Variants in GAS2L3 observed in about 807,000 individuals in gnomAD.
GAS2L3 encodes GAS2-like protein 3.
GAS2L3 carries 28 observed loss-of-function variants against 37.0 expected under a neutral mutation model. The ratio of observed to expected loss-of-function variants is 0.76; its 90% CI spans 0.56 to 1.04. The LOEUF (loss-of-function observed/expected upper bound fraction) is 1.04, where lower values mean the gene tolerates loss of function less well. Ranked by LOEUF, GAS2L3 falls within the 50% of genes least tolerant of loss-of-function variation. The pLI, the probability that GAS2L3 is intolerant of heterozygous loss-of-function variation, is 0.00. For synonymous variants in GAS2L3, 290 were observed against 296.6 expected (o/e 0.98, Z 0.23); for missense variants, 793 against 817.6 (o/e 0.97, Z 0.37).
chr12:100,599,115 C>T (rs1317249779), intron 3 of GAS2L3, among the ~76,000 whole-genome samples: 1 of 152,156 alleles, frequency 6.6e-6, no homozygotes, highest in Non-Finnish European at 1.5e-5. Context: ...CTCTCCATTC[C>T]AAGCCACCCC....
intron 3 of GAS2L3, among the ~76,000 whole-genome samples, chr12:100,597,846 A>G (rs951454059): frequency 6.6e-6 from 1 of 152,130 alleles, no homozygotes; most frequent in Non-Finnish European, 1.5e-5. Flanking sequence ...CTTGCCTCAA[A>G]TTAACCTCAA....
In GAS2L3 at chr12:100,624,800, A is replaced by G. The variant is rs113039944; in HGVS notation, c.1995A>G (p.Ala665=). Residue 665 remains alanine (A), a synonymous_variant, in exon 10 of 10, where the codon GCA becomes GCG. Transcript: ENST00000547754. ...IRKPPSSVKD[A]DSGDKKPTAK... The stretch of plus-strand genomic sequence containing the variant: ...AACCACCCTCATCTGTTAAGGATGC[A>G]GATAGTGGAGATAAAAAACCTACTG... 1.4e-4 allele frequency: 221 copies of G among 1,613,852 alleles called. No individual in the cohort carries two copies. In the African/African-American group the frequency reaches 2.7e-3, roughly 19 times the overall value.
chr12:100,595,830 A>G (rs1955905235), intron 3 of GAS2L3, among the ~76,000 whole-genome samples: 1 of 152,028 alleles, frequency 6.6e-6, no homozygotes, highest in Non-Finnish European at 1.5e-5. Context: ...TAGAATATAT[A>G]TTGCCTGTAA....
chr12:100,612,944 G>C (rs1406136641), intron 6 of GAS2L3, among the ~76,000 whole-genome samples: 1 of 152,190 alleles, frequency 6.6e-6, no homozygotes, highest in Non-Finnish European at 1.5e-5. Context: ...TCTACTGACA[G>C]TACACACCCT....
Position 100,622,399 on chromosome 12 carries a change from C to T in GAS2L3, c.756+17C>T, listed in dbSNP as rs371836898. 15 of 1,212,916 alleles carry T rather than the reference C, an allele frequency of 1.2e-5. No homozygotes were observed. The highest frequency in any genetic ancestry group is 1.7e-5 in the Non-Finnish European group (14 of 826,372). The allele number at this position is 1,212,916 out of a possible 1,614,324, so 75.1% of individuals were successfully genotyped here. ...TTTATAAGAGTAAGTCCATTATTTA[C>T]ACTTTATTTACACATAAATACTGTT... On this transcript the variant is annotated intron_variant, in intron 9 of 9. Transcript: ENST00000547754.
chr12:100,601,568 T>C (rs1371066412), intron 4 of GAS2L3, 70 bp from the exon 5 acceptor site: 5 of 772,286 alleles, frequency 6.5e-6, no homozygotes, highest in Non-Finnish European at 1.2e-5. Context: ...AATCTGATTC[T>C]ATTTAATTAA....
At chr12:100,595,532 CT>C (rs1955901292) in intron 3 of GAS2L3, among the ~76,000 whole-genome samples, 1 of 149,678 alleles carries the variant, frequency 6.7e-6, no homozygotes, top group African/African-American at 2.5e-5. Flanking sequence ...AGTTTTCTTT[CT>C]TTTGTATAAA....
chr12:100,617,349 C>T (rs1309739257), intron 6 of GAS2L3, among the ~76,000 whole-genome samples: 1 of 152,092 alleles, frequency 6.6e-6, no homozygotes, highest in Non-Finnish European at 1.5e-5. Context: ...ACTTTCTCCT[C>T]TTTGTAAGAG....
At chr12:100,579,210 T>C (rs1955677043) in intron 1 of GAS2L3, 1 of 620,078 alleles carries the variant, frequency 1.6e-6, no homozygotes, top group Non-Finnish European at 3.0e-6. Context: ...GACCATCCCC[T>C]TTCTGGATTT....
chr12:100,582,955 T>G (rs1004056856), intron 1 of GAS2L3, among the ~76,000 whole-genome samples: 1 of 152,208 alleles, frequency 6.6e-6, no homozygotes, highest in African/African-American at 2.4e-5. Flanking sequence ...TGCTCTTCCA[T>G]CATGACTTCT....
chr12:100,621,245 A>G (rs1306138314), intron 8 of GAS2L3, among the ~76,000 whole-genome samples: 1 of 152,122 alleles, frequency 6.6e-6, no homozygotes. Flanking sequence ...AAAAACATTC[A>G]TGACCTTCCT....
In GAS2L3 at chr12:100,623,913, C is replaced by T. The variant is rs752944938; in HGVS notation, c.1108C>T (p.Arg370Cys). 9.3e-6 allele frequency: 15 copies of T among 1,614,004 alleles called. No individual in the cohort carries two copies. The highest frequency in any genetic ancestry group is 3.3e-5 in the Admixed American group (2 of 59,998). The change falls in exon 10 of 10, where the codon CGT (arginine) becomes TGT (cysteine). Residue 370 changes from arginine (R) to cysteine (C), a missense_variant. Arg to Cys is a radical substitution (Grantham distance 180). Transcript: ENST00000547754. ...AGGTAATCTGGGCTCTATGTCAGTC[C>T]GTTCTAAATTGCCAAATTCTCCAGC... ...KGGNLGSMSVRSKLPNSPAAS... is the reference protein window; with the variant it reads ...KGGNLGSMSVCSKLPNSPAAS...
At chr12:100,611,915 G>T (rs1380778909) in intron 5 of GAS2L3, 85 bp from the exon 6 acceptor site, 2 of 887,200 alleles carry the variant, frequency 2.3e-6, no homozygotes, top group South Asian at 1.5e-5. Context: ...GTGATGGATT[G>T]AACATTTATT....
intron 7 of GAS2L3, among the ~76,000 whole-genome samples, chr12:100,618,106 C>T (rs1289435591): frequency 1.3e-5 from 2 of 152,066 alleles, no homozygotes; most frequent in Non-Finnish European, 2.9e-5. Flanking sequence ...CAAAGCAAGT[C>T]CTCTGAACAC....
rs1324553609 is a variant in GAS2L3 at position 100,581,289 on chromosome 12, G to A, written c.-152+7504G>A. On this transcript the variant is annotated intron_variant, in intron 1 of 9. Coordinates refer to ENST00000547754, the MANE Select transcript of GAS2L3 (RefSeq NM_174942.3). ...TATTTATAGCAAACCAAGTCTGAAA[G>A]TTTTAAGAACACAGTCTTTGTGGGT... 4.6e-5 allele frequency among the ~76,000 whole-genome samples: 7 copies of A among 152,302 alleles called. No individual in the cohort carries two copies. The East Asian group carries it at 1.2e-3, about 25-fold the overall frequency.
intron 8 of GAS2L3, among the ~76,000 whole-genome samples, 178 bp from the exon 9 acceptor site, chr12:100,622,097 G>A (rs1177953672): frequency 1.3e-5 from 2 of 152,070 alleles, no homozygotes; most frequent in African/African-American, 4.8e-5. Flanking sequence ...GCTTTTTTAT[G>A]TTAGATTAGC....
intron 9 of GAS2L3, among the ~76,000 whole-genome samples, chr12:100,622,967 C>T (rs1275860301): frequency 6.6e-6 from 1 of 151,866 alleles, no homozygotes; most frequent in African/African-American, 2.4e-5. Flanking sequence ...GAAATTTCAC[C>T]TGTTCATCAT....
chr12:100,623,687 A>G lies in GAS2L3; in HGVS notation c.882A>G (p.Ala294=), dbSNP rs760545559. 107 of 1,613,968 alleles carry G rather than the reference A, an allele frequency of 6.6e-5. No individual in the cohort carries two copies. The Admixed American group carries it at 1.7e-3, about 25-fold the overall frequency. The stretch of plus-strand genomic sequence containing the variant: ...CCACATTAGAACAAAAAATTTTAGC[A>G]TTTCAAAAAGGAGTTTCTAATGAAA... ...QFATLEQKIL[A]FQKGVSNESV... Residue 294 remains alanine (A), a synonymous_variant, in exon 10 of 10, where the codon GCA becomes GCG. Transcript: ENST00000547754.
intron 4 of GAS2L3, among the ~76,000 whole-genome samples, chr12:100,601,049 G>A (rs1157575683): frequency 2.6e-5 from 4 of 152,114 alleles, no homozygotes; most frequent in African/African-American, 9.6e-5. Context: ...AGAATATGAT[G>A]AATGCTTTAA....
Sources: gnomAD v4.1 joint callset for allele counts (sites outside exome capture counted in the v4.1 genomes callset) on GRCh38, gnomAD v4.1.1 for gene constraint, MANE v1.5 for transcripts, NCBI Gene and HGNC (gene_info 2026-07-23, HGNC 2026-07-21) for gene names.